ACTG2: variants seen among roughly 807,000 people sequenced by gnomAD.
ACTG2 encodes the protein actin gamma 2, smooth muscle.
In ACTG2, 16 loss-of-function variants were observed where a neutral mutation model predicts 37.6. The observed-to-expected ratio is 0.43, with a 90% confidence interval of 0.29 to 0.65. ACTG2 has a LOEUF of 0.65. Ranked by LOEUF, ACTG2 falls within the 30% of genes least tolerant of loss-of-function variation. The probability of loss-of-function intolerance (pLI) is 0.18; values close to 1 mark genes in which losing one functional copy is unlikely to be tolerated. For synonymous variants in ACTG2, 181 were observed against 179.9 expected (o/e 1.01, Z -0.05); for missense variants, 238 against 490.9 (o/e 0.48, Z 4.87).
chr2:73,895,063 G>A (rs1479710437), intron 1 of ACTG2, among the ~76,000 whole-genome samples: 1 of 152,180 alleles, frequency 6.6e-6, no homozygotes, highest in Non-Finnish European at 1.5e-5. Flanking sequence ...TGATAGGTTG[G>A]GAGGGAAGAG....
intron 8 of ACTG2, among the ~76,000 whole-genome samples, chr2:73,918,865 T>C (rs767504593): frequency 5.9e-5 from 9 of 152,170 alleles, no homozygotes; most frequent in African/African-American, 9.7e-5. Context: ...AGGTTCCCCT[T>C]ATAGATATTT....
chr2:73,894,282 A>G (rs1679694712), intron 1 of ACTG2, among the ~76,000 whole-genome samples: 1 of 152,146 alleles, frequency 6.6e-6, no homozygotes, highest in South Asian at 2.1e-4. Flanking sequence ...GGGAGGCTCT[A>G]AGTGCTCACT....
At chr2:73,893,953 G>T (rs1206202878) in intron 1 of ACTG2, among the ~76,000 whole-genome samples, 1 of 152,210 alleles carries the variant, frequency 6.6e-6, no homozygotes, top group African/African-American at 2.4e-5. Context: ...AAGGCAGACT[G>T]TCAGGCTAAC....
chr2:73,894,520 T>C (rs773481191), intron 1 of ACTG2, among the ~76,000 whole-genome samples: 1 of 152,198 alleles, frequency 6.6e-6, no homozygotes, highest in Non-Finnish European at 1.5e-5. Context: ...TGAGCACTTA[T>C]TATGGGCCAG....
intron 8 of ACTG2, among the ~76,000 whole-genome samples, chr2:73,917,585 T>C (rs906588837): frequency 5.3e-5 from 8 of 152,240 alleles, no homozygotes; most frequent in African/African-American, 1.7e-4. Context: ...GAGTTGGGAA[T>C]AGAAATATCA....
At chr2:73,898,691 G>C (rs1045370551) in intron 1 of ACTG2, among the ~76,000 whole-genome samples, 9 of 152,010 alleles carry the variant, frequency 5.9e-5, no homozygotes, top group African/African-American at 2.2e-4. Flanking sequence ...CCCAGCTAAA[G>C]GCAAAGGTAG....
intron 1 of ACTG2, among the ~76,000 whole-genome samples, chr2:73,895,301 C>T (rs1195928522): frequency 6.6e-6 from 1 of 152,020 alleles, no homozygotes; most frequent in Non-Finnish European, 1.5e-5. Flanking sequence ...CGGGTAAGAG[C>T]CAGAAGATAA....
chr2:73,899,691 T>A (rs766506523), intron 1 of ACTG2, among the ~76,000 whole-genome samples: 1 of 152,166 alleles, frequency 6.6e-6, no homozygotes, highest in Non-Finnish European at 1.5e-5. Flanking sequence ...GCCTCCTCAT[T>A]GACATTGACT....
chr2:73,919,590 C>A lies in ACTG2; in HGVS notation c.*15C>A. On this transcript the variant is annotated 3_prime_UTR_variant, in exon 9 of 9. Transcript: ENST00000345517. ...AGTGCTTCTAAAGTCAGAACAGGTTCTCCAAGGATCCCCTCGAGACTACTC... is the reference window on the plus strand; with the variant it reads ...AGTGCTTCTAAAGTCAGAACAGGTTATCCAAGGATCCCCTCGAGACTACTC... 11 of 1,612,762 alleles carry A rather than the reference C, an allele frequency of 6.8e-6. No homozygotes were observed. The highest frequency in any genetic ancestry group is 1.3e-5 in the African/African-American group (1 of 74,984).
chr2:73,911,338 T>C (rs113356892), intron 5 of ACTG2, among the ~76,000 whole-genome samples: 1 of 151,944 alleles, frequency 6.6e-6, no homozygotes, highest in Middle Eastern at 3.4e-3. Flanking sequence ...CTACAAAAAA[T>C]ACAAAAAGTT....
In ACTG2 at chr2:73,913,947, G is replaced by A. The variant is rs1680198123; in HGVS notation, c.613+301G>A. Among the ~76,000 whole-genome samples the A allele has an allele frequency of 2.0e-5, 3 of 152,176 alleles. No homozygotes were observed. In the South Asian group the frequency reaches 6.2e-4, roughly 32 times the overall value. On this transcript the variant is annotated intron_variant, in intron 6 of 8. Transcript: ENST00000345517. ...ATTTCATTACCTAGGGGCACCTTTG[G>A]TTTGAGGACAAATTGAATAAGTGAG... is the stretch of plus-strand genomic sequence containing the variant.
chr2:73,893,232 G>A (rs1344516275), intron 1 of ACTG2, among the ~76,000 whole-genome samples, 181 bp downstream of exon 1: 1 of 152,212 alleles, frequency 6.6e-6, no homozygotes, highest in Admixed American at 6.5e-5. Context: ...GGCGTATCTG[G>A]CCATGGGACA....
intron 3 of ACTG2, among the ~76,000 whole-genome samples, chr2:73,905,887 A>C (rs1229546754): frequency 6.6e-6 from 1 of 152,082 alleles, no homozygotes; most frequent in African/African-American, 2.4e-5. Flanking sequence ...ATGTGATTAA[A>C]TATATGATAG....
chr2:73,918,630 A>G (rs1160247104), intron 8 of ACTG2, among the ~76,000 whole-genome samples: 1 of 152,234 alleles, frequency 6.6e-6, no homozygotes, highest in East Asian at 1.9e-4. Context: ...CCTTTGAAGT[A>G]GAGTTCAAAG....
Position 73,919,657 on chromosome 2 carries a change from C to T in ACTG2, c.*82C>T. 1 of 1,491,206 alleles carries T rather than the reference C, an allele frequency of 6.7e-7. No homozygotes were observed. The highest frequency in any genetic ancestry group is 1.3e-5 in the South Asian group (1 of 78,320). The allele number at this position is 1,491,206 out of a possible 1,614,324, so 92.4% of individuals were successfully genotyped here. A position where few individuals can be genotyped will look rare whatever the true frequency, so the allele number is the denominator to read the frequency against. On this transcript the variant is annotated 3_prime_UTR_variant, in exon 9 of 9. Coordinates refer to ENST00000345517, the MANE Select transcript of ACTG2 (RefSeq NM_001615.4). ...ACATTAAAACCTACAAGCCTTACTT[C>T]TCTGTGTGGGGCTCTTTTTTCCTGG...
chr2:73,904,668 T>TA (rs963400116), intron 3 of ACTG2, among the ~76,000 whole-genome samples: 1 of 148,544 alleles, frequency 6.7e-6, no homozygotes, highest in Non-Finnish European at 1.5e-5. Context: ...TATTTTTTTT[T>TA]AAAAATGTAT....
At chr2:73,897,552 C>T (rs1258721593) in intron 1 of ACTG2, among the ~76,000 whole-genome samples, 3 of 152,118 alleles carry the variant, frequency 2.0e-5, no homozygotes, top group Admixed American at 6.5e-5. Context: ...TGTGGGGACT[C>T]GGGTATCCCA....
intron 1 of ACTG2, among the ~76,000 whole-genome samples, chr2:73,897,559 C>T (rs1380973153): frequency 6.6e-6 from 1 of 152,160 alleles, no homozygotes; most frequent in Non-Finnish European, 1.5e-5. Context: ...ACTCGGGTAT[C>T]CCAGAGGCAG....
At chr2:73,907,220 G>A (rs1383323324) in intron 3 of ACTG2, among the ~76,000 whole-genome samples, 1 of 151,916 alleles carries the variant, frequency 6.6e-6, no homozygotes, top group Non-Finnish European at 1.5e-5. Context: ...CTCCCCTCTG[G>A]ACTTTGCAAC....
Sources: gnomAD v4.1 joint callset for allele counts (sites outside exome capture counted in the v4.1 genomes callset) on GRCh38, gnomAD v4.1.1 for gene constraint, MANE v1.5 for transcripts, NCBI Gene and HGNC (gene_info 2026-07-23, HGNC 2026-07-21) for gene names.